Variants in NME7 observed in about 807,000 individuals in gnomAD.
The protein encoded by NME7 is nucleoside diphosphate kinase 7.
Under a neutral mutation model 49.1 loss-of-function variants are expected in NME7, and 41 were observed. The observed-to-expected ratio is 0.83, with a 90% CI of 0.65 to 1.08. The LOEUF (loss-of-function observed/expected upper bound fraction) is 1.08, where lower values mean the gene tolerates loss of function less well. Ranked by LOEUF, NME7 falls within the 50% of genes least tolerant of loss-of-function variation. The pLI is 0.00. For missense variants in NME7, 423 were observed against 463.4 expected (o/e 0.91, Z 0.80); for synonymous variants, 139 against 150.6 (o/e 0.92, Z 0.56).
At chr1:169,313,864 G>A (rs1227237097) in intron 3 of NME7, among the ~76,000 whole-genome samples, 1 of 152,074 alleles carries the variant, frequency 6.6e-6, no homozygotes, top group African/African-American at 2.4e-5. Context: ...AAAACTGTAA[G>A]CTACAAAATG....
At chr1:169,291,054 T>C (rs1650480952) in intron 6 of NME7, among the ~76,000 whole-genome samples, 1 of 152,198 alleles carries the variant, frequency 6.6e-6, no homozygotes, top group South Asian at 2.1e-4. Context: ...GCTTTTACAC[T>C]GTTGGTGAGA....
At chr1:169,302,762 A>G (rs1650999217) in intron 5 of NME7, among the ~76,000 whole-genome samples, 1 of 152,166 alleles carries the variant, frequency 6.6e-6, no homozygotes, top group African/African-American at 2.4e-5. Context: ...CTGAATCTAA[A>G]GTAAAAGTTG....
intron 1 of NME7, among the ~76,000 whole-genome samples, chr1:169,342,974 A>T (rs1208153161): frequency 1.9e-4 from 13 of 69,868 alleles, no homozygotes; most frequent in South Asian, 9.6e-4. Flanking sequence ...TATATATACA[A>T]GTACATATAT....
intron 11 of NME7, among the ~76,000 whole-genome samples, chr1:169,160,329 A>T (rs1005840238): frequency 1.3e-5 from 2 of 152,184 alleles, no homozygotes; most frequent in African/African-American, 4.8e-5. Flanking sequence ...TGTTCACCAG[A>T]AAATAATAAC....
chr1:169,299,847 C>T (rs1650871199), intron 5 of NME7, among the ~76,000 whole-genome samples: 1 of 152,002 alleles, frequency 6.6e-6, no homozygotes, highest in South Asian at 2.1e-4. Flanking sequence ...CAAACAAAAC[C>T]CCCAAGACCA....
At chr1:169,176,316 C>A (rs1027780379) in intron 10 of NME7, among the ~76,000 whole-genome samples, 4 of 152,076 alleles carry the variant, frequency 2.6e-5, no homozygotes, top group African/African-American at 7.3e-5. Flanking sequence ...AAATTAAACT[C>A]AACTACTTAT....
intron 10 of NME7, among the ~76,000 whole-genome samples, chr1:169,219,720 T>A (rs10919097): frequency 0.048 from 7,251 of 152,258 alleles, 227 homozygotes; most frequent in East Asian, 0.12. Context: ...TATTGCAATT[T>A]ATTTGTCTGA....
rs938198406 is a variant in NME7 at position 169,271,763 on chromosome 1, TTAAAAA to T, written c.754+15534_754+15539del. On this transcript the variant is annotated intron_variant, in intron 7 of 11. Transcript: ENST00000367811. ...AACTCCTTTTTTAAAATAAAAATCT[TTAAAAA>T]TAAAAATAAAAATCTTTCATGCCTA... Among the ~76,000 whole-genome samples the T allele has an allele frequency of 5.3e-5, 7 of 132,934 alleles. 1 individual carries two copies. The highest frequency in any genetic ancestry group is 1.0e-4 in the African/African-American group (4 of 39,270). 87.2% of individuals were successfully genotyped at this position (132,934 alleles called of 152,430 possible).
At chr1:169,236,507 A>G (rs1000244300) in intron 8 of NME7, among the ~76,000 whole-genome samples, 4 of 152,166 alleles carry the variant, frequency 2.6e-5, no homozygotes. Context: ...GCTAAACTGT[A>G]GATCTAGAAT....
At chr1:169,146,392 T>C in intron 11 of NME7, among the ~76,000 whole-genome samples, 1 of 152,332 alleles carries the variant, frequency 6.6e-6, no homozygotes. Flanking sequence ...AATGAATGTA[T>C]TTATCAATAA....
At chr1:169,247,882 T>G (rs1459061440) in intron 7 of NME7, among the ~76,000 whole-genome samples, 1 of 152,176 alleles carries the variant, frequency 6.6e-6, no homozygotes, top group Non-Finnish European at 1.5e-5. Flanking sequence ...ATCCACTCAT[T>G]CGTTAATGGA....
intron 7 of NME7, among the ~76,000 whole-genome samples, chr1:169,254,312 A>C (rs1008236741): frequency 1.5e-4 from 23 of 152,044 alleles, no homozygotes; most frequent in African/African-American, 5.6e-4. Context: ...GTGTCGAGGA[A>C]TTTATCCATT....
chr1:169,180,206 CT>C (rs2101747328), intron 10 of NME7, among the ~76,000 whole-genome samples: 1 of 152,246 alleles, frequency 6.6e-6, no homozygotes, highest in Non-Finnish European at 1.5e-5. Flanking sequence ...CATAAAATGT[CT>C]AATGGTGTCT....
chr1:169,164,251 T>C (rs931215616), intron 11 of NME7, among the ~76,000 whole-genome samples: 1 of 152,168 alleles, frequency 6.6e-6, no homozygotes, highest in African/African-American at 2.4e-5. Flanking sequence ...ACATACTTTT[T>C]CACCGAGTGC....
chr1:169,228,080 G>C (rs1477002350), intron 10 of NME7, among the ~76,000 whole-genome samples: 1 of 146,056 alleles, frequency 6.8e-6, no homozygotes, highest in African/African-American at 2.5e-5. Flanking sequence ...ACATATATAC[G>C]TGTAATTTTA....
intron 11 of NME7, among the ~76,000 whole-genome samples, chr1:169,166,879 G>A (rs1252236298): frequency 6.6e-6 from 1 of 152,174 alleles, no homozygotes; most frequent in African/African-American, 2.4e-5. Context: ...GGCTGAGGCT[G>A]GAGAAATGCT....
intron 10 of NME7, among the ~76,000 whole-genome samples, chr1:169,189,192 A>C (rs1051204044): frequency 1.3e-5 from 2 of 152,330 alleles, no homozygotes; most frequent in South Asian, 2.1e-4. Context: ...AAATGAACAC[A>C]ACAATGACAA....
chr1:169,212,638 G>A (rs1660859768), intron 10 of NME7, among the ~76,000 whole-genome samples: 1 of 128,006 alleles, frequency 7.8e-6, no homozygotes, highest in South Asian at 2.4e-4. Context: ...GTCTTGCTCT[G>A]TTGCCCTAGC....
intron 10 of NME7, among the ~76,000 whole-genome samples, chr1:169,219,903 G>T (rs12757242): frequency 6.6e-6 from 1 of 152,074 alleles, no homozygotes; most frequent in African/African-American, 2.4e-5. Context: ...TCTGAAATGC[G>T]TTCCAATATA....
Sources: allele counts gnomAD v4.1 joint callset (sites outside exome capture counted in the v4.1 genomes callset), GRCh38; gene constraint gnomAD v4.1.1; transcripts MANE v1.5; gene names NCBI Gene and HGNC (gene_info 2026-07-23, HGNC 2026-07-21).